The following TRERF1 variants were observed in gnomAD, a reference collection of about 807,000 sequenced individuals.
The protein encoded by TRERF1 is transcriptional-regulating factor 1.
In TRERF1, 27 loss-of-function variants were observed where a neutral mutation model predicts 122.9. The ratio of observed to expected loss-of-function variants is 0.22; its 90% CI spans 0.16 to 0.30. The LOEUF (loss-of-function observed/expected upper bound fraction) is 0.30. Among genes scored for constraint, TRERF1 ranks in the 10% least tolerant of loss-of-function variants. The pLI is 1.00. For missense variants in TRERF1, 1,248 were observed against 1,560.3 expected, an observed-to-expected ratio of 0.80 and a Z score of 3.37; for synonymous variants, 636 against 641.7, an observed-to-expected ratio of 0.99 and a Z score of 0.13.
chr6:42,441,768 A>G (rs906685970), intron 2 of TRERF1, among the ~76,000 whole-genome samples: 4 of 152,114 alleles, frequency 2.6e-5, no homozygotes, highest in Admixed American at 6.5e-5. Context: ...TACAGAAATG[A>G]GTGATGACCC....
intron 13 of TRERF1, among the ~76,000 whole-genome samples, chr6:42,248,333 T>C (rs972118353): frequency 2.6e-5 from 4 of 151,782 alleles, no homozygotes; most frequent in Admixed American, 2.6e-4. Flanking sequence ...ACCCAATTTA[T>C]TTGGTTTGCA....
chr6:42,353,105 A>G (rs1769787259), intron 3 of TRERF1, among the ~76,000 whole-genome samples: 1 of 152,212 alleles, frequency 6.6e-6, no homozygotes, highest in African/African-American at 2.4e-5. Context: ...CAGGAGTTCG[A>G]GGCTGCAGTG....
chr6:42,364,709 C>G (rs1442123051), intron 2 of TRERF1, among the ~76,000 whole-genome samples: 1 of 152,220 alleles, frequency 6.6e-6, no homozygotes. Context: ...TGCAGCAAAC[C>G]CACCGGGTCC....
At chr6:42,362,776 C>T (rs1772012442) in intron 3 of TRERF1, among the ~76,000 whole-genome samples, 1 of 152,224 alleles carries the variant, frequency 6.6e-6, no homozygotes, top group South Asian at 2.1e-4. Flanking sequence ...AATCAAGAGA[C>T]ACCCTCCGCC....
chr6:42,269,989 A>C lies in TRERF1; in HGVS notation c.-258-141T>G. On this transcript the variant is annotated intron_variant, in intron 4 of 17. Coordinates refer to ENST00000372922, the Ensembl canonical transcript of TRERF1. This position sits in a 1 kb window ranked among gnomAD's most constrained non-coding sequence, Gnocchi z 4.9. Reference sequence around the variant, plus strand: ...GGCTGAGACATGAAGTTCATTTGAGACCAGCCTGGGCAACATAGGGAGATC... The same window carrying C: ...GGCTGAGACATGAAGTTCATTTGAGCCCAGCCTGGGCAACATAGGGAGATC... 1 of 181,156 alleles carries C rather than the reference A, an allele frequency of 5.5e-6. No individual in the cohort carries two copies. 11.2% of individuals were successfully genotyped at this position (181,156 alleles called of 1,614,324 possible). A position where few individuals can be genotyped will look rare whatever the true frequency, so the allele number is the denominator to read the frequency against.
At chr6:42,304,898 A>T (rs945879769) in intron 3 of TRERF1, among the ~76,000 whole-genome samples, 2 of 152,190 alleles carry the variant, frequency 1.3e-5, no homozygotes, top group African/African-American at 4.8e-5. Flanking sequence ...AAGCCAGTAG[A>T]CCTGGATTCT....
At chr6:42,357,749 T>C (rs1452793592) in intron 3 of TRERF1, among the ~76,000 whole-genome samples, 5 of 152,208 alleles carry the variant, frequency 3.3e-5, no homozygotes, top group Non-Finnish European at 7.3e-5. Flanking sequence ...AGTCATGGCC[T>C]AACACAGAAG....
chr6:42,268,988 G>A lies in TRERF1; in HGVS notation c.603C>T (p.Tyr201=). Residue 201 remains tyrosine, a synonymous_variant, in exon 5 of 18, where the codon TAC becomes TAT. Coordinates refer to ENST00000372922, the Ensembl canonical transcript of TRERF1. The surrounding 1 kb of genome is among the most constrained non-coding windows in gnomAD (Gnocchi z 4.4). The stretch of plus-strand genomic sequence containing the variant: ...GGTGAGGCTGCTGGGGCACCTGCTG[G>A]TAGCGGGAAGGGATAGCCGGTGCTG... 6.2e-7 allele frequency: 1 copy of A among 1,612,554 alleles called. No homozygotes were observed. The highest frequency in any genetic ancestry group is 8.5e-7 in the Non-Finnish European group (1 of 1,178,784).
intron 2 of TRERF1, among the ~76,000 whole-genome samples, chr6:42,408,342 C>CGTGT (rs1215447691): frequency 9.8e-6 from 1 of 101,806 alleles, no homozygotes; most frequent in Non-Finnish European, 1.9e-5. Context: ...TATACATACA[C>CGTGT]GTGTGTGTGT....
intron 3 of TRERF1, among the ~76,000 whole-genome samples, chr6:42,335,991 G>A (rs1295434701): frequency 1.3e-5 from 2 of 152,214 alleles, no homozygotes; most frequent in Non-Finnish European, 2.9e-5. Context: ...GCCACTAGCC[G>A]CTGTTGAGCA....
chr6:42,273,672 G>C (rs928932998), intron 4 of TRERF1, among the ~76,000 whole-genome samples: 1 of 152,206 alleles, frequency 6.6e-6, no homozygotes, highest in African/African-American at 2.4e-5. Context: ...GGCTACATTT[G>C]TAAGAAAAGG....
intron 2 of TRERF1, among the ~76,000 whole-genome samples, chr6:42,392,521 T>C (rs1411415352): frequency 1.3e-5 from 2 of 152,304 alleles, no homozygotes; most frequent in South Asian, 2.1e-4. Context: ...GGGCAGTTTT[T>C]AGGCTAACTA....
chr6:42,394,886 A>G (rs1463304943), intron 2 of TRERF1, among the ~76,000 whole-genome samples: 6 of 152,138 alleles, frequency 3.9e-5, no homozygotes, highest in African/African-American at 1.4e-4. Flanking sequence ...CCCCCAACAC[A>G]TTGTGCTTTA....
chr6:42,372,467 T>C (rs1454407388), intron 2 of TRERF1, among the ~76,000 whole-genome samples: 1 of 152,178 alleles, frequency 6.6e-6, no homozygotes, highest in Non-Finnish European at 1.5e-5. Flanking sequence ...CATTCCCCTG[T>C]GACCACTTAG....
At chr6:42,449,661 T>G (rs1485834459) in intron 2 of TRERF1, among the ~76,000 whole-genome samples, 1 of 152,150 alleles carries the variant, frequency 6.6e-6, no homozygotes. Context: ...CAGACTCAGA[T>G]TTTCATCAGG....
intron 4 of TRERF1, among the ~76,000 whole-genome samples, chr6:42,274,616 T>G (rs574917520): frequency 2.0e-5 from 3 of 151,880 alleles, no homozygotes; most frequent in South Asian, 4.2e-4. Context: ...GAGGTCAAGG[T>G]TGCAGTGAGC....
chr6:42,374,136 T>TAA (rs775475126), intron 2 of TRERF1, among the ~76,000 whole-genome samples: 39 of 131,292 alleles, frequency 3.0e-4, no homozygotes, highest in African/African-American at 1.1e-3. Flanking sequence ...TGTCTTTTTT[T>TAA]TAAAAAAAAA....
chr6:42,421,845 C>T (rs1782808046), intron 2 of TRERF1, among the ~76,000 whole-genome samples: 2 of 151,786 alleles, frequency 1.3e-5, no homozygotes, highest in Admixed American at 1.3e-4. Flanking sequence ...CTTGATTGCA[C>T]AACTGACAAA....
chr6:42,425,528 CATTTT>C (rs1783500406), intron 2 of TRERF1, among the ~76,000 whole-genome samples: 1 of 82,486 alleles, frequency 1.2e-5, no homozygotes, highest in African/African-American at 4.5e-5. Flanking sequence ...GCCCCCTGGG[CATTTT>C]TTTTTTTTTT....
Sources: allele counts gnomAD v4.1 joint callset (sites outside exome capture counted in the v4.1 genomes callset), GRCh38; gene constraint gnomAD v4.1.1; non-coding constraint Gnocchi (gnomAD v3.1); transcripts MANE v1.5; gene names NCBI Gene and HGNC (gene_info 2026-07-23, HGNC 2026-07-21).